The following CRAMP1 variants were observed in gnomAD, a reference collection of about 807,000 sequenced individuals.
CRAMP1 encodes the protein protein cramped-like.
A neutral mutation model predicts 115.4 loss-of-function variants in CRAMP1; 50 were observed. The observed-to-expected ratio is 0.43, with a 90% CI of 0.35 to 0.55. CRAMP1 has a LOEUF of 0.55. Ranked by LOEUF, CRAMP1 falls within the 20% of genes least tolerant of loss-of-function variation. The pLI is 0.01. For missense variants in CRAMP1, 1,679 were observed against 1,721.7 expected, an observed-to-expected ratio of 0.98 and a Z score of 0.44; for synonymous variants, 866 against 745.4, an observed-to-expected ratio of 1.16 and a Z score of -2.64.
At chr16:1,660,965 C>T (rs535462164) in intron 11 of CRAMP1, among the ~76,000 whole-genome samples, 124 of 152,124 alleles carry the variant, frequency 8.2e-4, no homozygotes, top group African/African-American at 2.8e-3. Context: ...GCCAAGATCG[C>T]GCCACTGCAC....
At chr16:1,638,060 T>G (rs2036602590) in intron 5 of CRAMP1, among the ~76,000 whole-genome samples, 153 bp downstream of exon 5, 1 of 152,226 alleles carries the variant, frequency 6.6e-6, no homozygotes, top group African/African-American at 2.4e-5. Context: ...GGCCGTGCTC[T>G]TTAGCTTAGA....
At chr16:1,664,897 ACTGT>A (rs568968405) in intron 13 of CRAMP1, among the ~76,000 whole-genome samples, 156 bp from the exon 14 acceptor site, 39 of 152,260 alleles carry the variant, frequency 2.6e-4, no homozygotes, top group African/African-American at 5.1e-4. Context: ...ATGGGTCCTA[ACTGT>A]CTGAGCAGTC....
intron 10 of CRAMP1, among the ~76,000 whole-genome samples, chr16:1,658,092 C>T (rs1169752651): frequency 1.1e-4 from 17 of 152,290 alleles, no homozygotes; most frequent in Admixed American, 9.8e-4. Flanking sequence ...GCTTTTTTTC[C>T]GCTCCCACCC....
intron 10 of CRAMP1, 107 bp downstream of exon 10, chr16:1,657,099 G>A: frequency 9.6e-7 from 1 of 1,040,118 alleles, no homozygotes; most frequent in Non-Finnish European, 1.3e-6. Context: ...GGGTCCAGAT[G>A]AGAGAGACAG....
chr16:1,632,816 G>A (rs1005508857), intron 4 of CRAMP1, among the ~76,000 whole-genome samples: 2 of 152,188 alleles, frequency 1.3e-5, no homozygotes, highest in African/African-American at 4.8e-5. Context: ...GGTCTGCGTC[G>A]GCCCTCGTTC....
chr16:1,627,861 G>A (rs982050379), intron 3 of CRAMP1, among the ~76,000 whole-genome samples: 1 of 152,152 alleles, frequency 6.6e-6, no homozygotes, highest in African/African-American at 2.4e-5. Flanking sequence ...TTCCTGGAAT[G>A]TTTTCAGAAT....
intron 3 of CRAMP1, among the ~76,000 whole-genome samples, chr16:1,630,434 G>C (rs374970031): frequency 6.6e-6 from 1 of 152,160 alleles, no homozygotes; most frequent in South Asian, 2.1e-4. Context: ...TTACAGGCAC[G>C]AGCCACCACC....
chr16:1,653,726 C>T lies in CRAMP1; in HGVS notation c.1037+570C>T, dbSNP rs538959664. 3.3e-4 allele frequency among the ~76,000 whole-genome samples: 50 copies of T among 149,628 alleles called. 1 individual carries two copies. The highest frequency in any genetic ancestry group is 1.1e-3 in the African/African-American group (46 of 40,544). On this transcript the variant is annotated intron_variant, in intron 8 of 20. Coordinates refer to ENST00000397412, the MANE Select transcript of CRAMP1 (RefSeq NM_020825.4). ...GTCCCAGCTACTCGGGAGGCTGAGG[C>T]AGGAGAATGACGTGAACCCGGGAGG...
intron 8 of CRAMP1, among the ~76,000 whole-genome samples, chr16:1,654,598 C>A (rs959735464): frequency 3.3e-5 from 5 of 152,206 alleles, no homozygotes; most frequent in Admixed American, 1.3e-4. Flanking sequence ...AGCTCCAGAG[C>A]ATTTTCATGA....
chr16:1,638,862 G>C (rs1293086595), intron 5 of CRAMP1, among the ~76,000 whole-genome samples: 1 of 151,898 alleles, frequency 6.6e-6, no homozygotes, highest in South Asian at 2.1e-4. Flanking sequence ...CTGCAATCTA[G>C]TGTGGCATTT....
Position 1,655,889 on chromosome 16 carries a change from G to C in CRAMP1, c.1132G>C (p.Glu378Gln). 2 of 1,609,144 alleles carry C rather than the reference G, an allele frequency of 1.2e-6. No homozygotes were observed. The highest frequency in any genetic ancestry group is 8.5e-7 in the Non-Finnish European group (1 of 1,176,942). The change falls in exon 10 of 21, where the codon GAG (glutamate) becomes CAG (glutamine). Residue 378 changes from glutamate (E) to glutamine (Q), a missense_variant. This residue lies in a region of CRAMP1 where 191 missense variants were observed against 236.2 expected (regional missense o/e 0.81). Transcript: ENST00000397412. ...GACGGGCACTCAGCGGAAGACACTCGAGGAGCGGCAGCTGCAGGACTCATG... is the reference window on the plus strand; with the variant it reads ...GACGGGCACTCAGCGGAAGACACTCCAGGAGCGGCAGCTGCAGGACTCATG... Reference protein sequence around the residue: ...LHEVRVRKTLEERQLQDSCSA... With the variant: ...LHEVRVRKTLQERQLQDSCSA...
chr16:1,657,023 G>A (rs563558125), intron 10 of CRAMP1, 31 bp downstream of exon 10: 19 of 1,467,646 alleles, frequency 1.3e-5, no homozygotes, highest in East Asian at 2.4e-5. Context: ...CCCCTCTGGC[G>A]GCCCAAGGGA....
In CRAMP1 at chr16:1,620,682, G is replaced by A. The variant is rs551481319; in HGVS notation, c.347-5291G>A. 12 of 456,610 alleles carry A rather than the reference G, an allele frequency of 2.6e-5. No homozygotes were observed. The East Asian group carries it at 4.2e-4, about 16-fold the overall frequency. The allele number at this position is 456,610 out of a possible 1,614,324, so 28.3% of individuals were successfully genotyped here. On this transcript the variant is annotated intron_variant, in intron 2 of 20. Transcript: ENST00000397412. ...CCAGCTCTGGCTGTCTATTAGCCGC[G>A]TGCCTTTCGGTGAGTCATTTAACTT...
intron 6 of CRAMP1, among the ~76,000 whole-genome samples, chr16:1,651,060 A>G (rs1030150378): frequency 2.0e-5 from 3 of 152,300 alleles, no homozygotes; most frequent in Admixed American, 2.0e-4. Flanking sequence ...TTGAGGTCAC[A>G]CAGAGGTCAC....
At position 1,614,899 on chromosome 16, in the gene CRAMP1, T is replaced by G; in HGVS notation, c.260T>G (p.Val87Gly). The G allele has an allele frequency of 2.3e-6, 3 of 1,326,290 alleles. No homozygotes were observed. Among genetic ancestry groups the G allele is most frequent in the Non-Finnish European group, 2.9e-6 (3 of 1,036,948 alleles). 82.2% of individuals were successfully genotyped at this position (1,326,290 alleles called of 1,614,324 possible). A position where few individuals can be genotyped will look rare whatever the true frequency, so the allele number is the denominator to read the frequency against. Residue 87 changes from valine to glycine, a missense_variant, in exon 2 of 21, where the codon GTG becomes GGG. Val to Gly is a moderately radical substitution (Grantham distance 109). Around this residue, in one of 8 missense-constraint regions of CRAMP1, gnomAD observed 264 missense variants for 229.7 expected, o/e 1.15. Coordinates refer to ENST00000397412, the MANE Select transcript of CRAMP1 (RefSeq NM_020825.4). This position sits in a 1 kb window ranked among gnomAD's most constrained non-coding sequence, Gnocchi z 4.4. ...QDQHHFLRSS[V>G]RPQSKRPRKD... ...CAGCACCACTTCCTCCGGTCCAGCG[T>G]GCGGCCGCAGAGCAAGAGGCCCAGG... is the stretch of plus-strand genomic sequence containing the variant.
intron 3 of CRAMP1, among the ~76,000 whole-genome samples, chr16:1,630,822 A>T (rs1042718862): frequency 5.3e-5 from 8 of 152,196 alleles, no homozygotes; most frequent in African/African-American, 1.9e-4. Context: ...GTTGATCTGC[A>T]GTTTCCTCAT....
At position 1,614,406 on chromosome 16, in the gene CRAMP1, A is replaced by G. The variant is rs1596479384; in HGVS notation, c.-1-233A>G. Among the ~76,000 whole-genome samples the G allele has an allele frequency of 9.0e-6, 1 of 111,196 alleles. No homozygotes were observed. The allele number at this position is 111,196 out of a possible 152,430, so 72.9% of individuals were successfully genotyped here. ...GGGCGTCTGGACGCGAGCCTCGGCCAGGGGGCGTCCGGGGAGGCCCGGGAG... is the reference window on the plus strand; with the variant it reads ...GGGCGTCTGGACGCGAGCCTCGGCCGGGGGGCGTCCGGGGAGGCCCGGGAG... On this transcript the variant is annotated intron_variant, in intron 1 of 20. Coordinates refer to ENST00000397412, the MANE Select transcript of CRAMP1 (RefSeq NM_020825.4). This position sits in a 1 kb window ranked among gnomAD's most constrained non-coding sequence, Gnocchi z 4.4.
At chr16:1,638,326 G>C (rs1858551403) in intron 5 of CRAMP1, among the ~76,000 whole-genome samples, 1 of 152,200 alleles carries the variant, frequency 6.6e-6, no homozygotes, top group Admixed American at 6.5e-5. Context: ...CCCATATTCA[G>C]ATTTTCTAAA....
Position 1,666,574 on chromosome 16 carries a change from G to A in CRAMP1, c.3010G>A (p.Asp1004Asn), listed in dbSNP as rs767029837. The change falls in exon 16 of 21, where the codon GAT becomes AAT. Residue 1004 changes from aspartate (D) to asparagine (N), a missense_variant. Transcript: ENST00000397412. This position sits in a 1 kb window ranked among gnomAD's most constrained non-coding sequence, Gnocchi z 5.0. ...GCAGGACTCTACTGGAACTCACCAGGATGGAGACACCCTCCCCACCGTGGG... is the reference window on the plus strand; with the variant it reads ...GCAGGACTCTACTGGAACTCACCAGAATGGAGACACCCTCCCCACCGTGGG... ...SGQDSTGTHQ[D>N]GDTLPTVGGS... is the part of the protein sequence containing the mutation. The A allele has an allele frequency of 2.7e-5, 43 of 1,613,856 alleles. No homozygotes were observed. In the African/African-American group the frequency reaches 4.9e-4, roughly 19 times the overall value.
Sources: allele counts gnomAD v4.1 joint callset (sites outside exome capture counted in the v4.1 genomes callset), GRCh38; gene constraint gnomAD v4.1.1; regional missense constraint gnomAD v4.1.1; non-coding constraint Gnocchi (gnomAD v3.1); transcripts MANE v1.5; gene names NCBI Gene and HGNC (gene_info 2026-07-23, HGNC 2026-07-21).